Variants in GJC1 observed in about 807,000 individuals in gnomAD.
GJC1 encodes the protein gap junction protein gamma 1, also known as gap junction gamma-1 protein.
In GJC1, 5 loss-of-function variants were observed where a neutral mutation model predicts 29.3. The observed-to-expected ratio is 0.17, with a 90% CI of 0.09 to 0.36. The LOEUF (loss-of-function observed/expected upper bound fraction) is 0.36. Ranked by LOEUF, GJC1 falls within the 10% of genes least tolerant of loss-of-function variation. The pLI is 1.00. For missense variants in GJC1, 310 were observed against 496.2 expected, an observed-to-expected ratio of 0.62 and a Z score of 3.56; for synonymous variants, 177 against 183.3, an observed-to-expected ratio of 0.97 and a Z score of 0.28.
chr17:44,805,379 C>G lies in GJC1; in HGVS notation c.439G>C (p.Glu147Gln). The G allele has an allele frequency of 6.2e-7, 1 of 1,614,228 alleles. No homozygotes were observed. The highest frequency in any genetic ancestry group is 8.5e-7 in the Non-Finnish European group (1 of 1,180,032). Residue 147 changes from glutamate (E) to glutamine (Q), a missense_variant, in exon 3 of 3, where the codon GAA (glutamate) becomes CAA (glutamine). Transcript: ENST00000592524. The surrounding 1 kb of genome is among the most constrained non-coding windows in gnomAD (Gnocchi z 5.1). ...DPMMYPEMEL[E>Q]SDKENKEQSQ... is the part of the protein sequence containing the mutation. Reference sequence around the variant, plus strand: ...TGCTCTTTATTTTCCTTATCACTTTCTAACTCCATCTCTGGATACATCATA... The same window carrying G: ...TGCTCTTTATTTTCCTTATCACTTTGTAACTCCATCTCTGGATACATCATA...
chr17:44,804,474 A>G lies in GJC1; in HGVS notation c.*153T>C. On this transcript the variant is annotated 3_prime_UTR_variant, in exon 3 of 3. Transcript: ENST00000592524. ...TGTTTCCCTTTCTCTCCCTCAGCCC[A>G]GCCCCGCCTCCAGAGTCCCCTGAGC... 1 of 628,180 alleles carries G rather than the reference A, an allele frequency of 1.6e-6. No homozygotes were observed. Among genetic ancestry groups the G allele is most frequent in the East Asian group, 2.7e-5 (1 of 36,594 alleles). The allele number at this position is 628,180 out of a possible 1,614,324, so 38.9% of individuals were successfully genotyped here.
Position 44,805,599 on chromosome 17 carries a change from A to G in GJC1, c.219T>C (p.His73=), listed in dbSNP as rs1223854467. ...TGATCTGGAACACCCAGAAGCGTAC[A>G]TGGGAGAGAGGTGCAAACGCATCAT... ...VCYDAFAPLS[H]VRFWVFQIIL... Residue 73 remains histidine (H), a synonymous_variant, in exon 3 of 3, where the codon CAT becomes CAC. Transcript: ENST00000592524. The surrounding 1 kb of genome is among the most constrained non-coding windows in gnomAD (Gnocchi z 5.1). 3.1e-6 allele frequency: 5 copies of G among 1,614,036 alleles called. No individual in the cohort carries two copies. Among genetic ancestry groups the G allele is most frequent in the Non-Finnish European group, 4.2e-6 (5 of 1,179,982 alleles).
intron 1 of GJC1, among the ~76,000 whole-genome samples, chr17:44,816,190 T>C (rs1268805158): frequency 6.6e-6 from 1 of 151,078 alleles, no homozygotes; most frequent in African/African-American, 2.4e-5. Flanking sequence ...CAATTCATGG[T>C]AGCCCATAAT....
chr17:44,802,444 T>G lies in GJC1; in HGVS notation c.*2183A>C, dbSNP rs140635668. ...TGGTAGTTCTTTATCTTAGCTAGGCTTATGTATTCCAAATTTTGCCTGTTT... is the reference window on the plus strand; with the variant it reads ...TGGTAGTTCTTTATCTTAGCTAGGCGTATGTATTCCAAATTTTGCCTGTTT... On this transcript the variant is annotated 3_prime_UTR_variant, in exon 3 of 3. Transcript: ENST00000592524. The G allele has an allele frequency of 6.6e-5, 10 of 152,372 alleles. No homozygotes were observed. The East Asian group carries it at 1.7e-3, about 26-fold the overall frequency. 9.4% of individuals were successfully genotyped at this position (152,372 alleles called of 1,614,324 possible).
upstream of GJC1, chr17:44,830,539 A>T: frequency 2.5e-6 from 1 of 397,678 alleles, no homozygotes; most frequent in Non-Finnish European, 4.4e-6. The surrounding 1 kb of genome is among the most constrained non-coding windows in gnomAD (Gnocchi z 4.3). Flanking sequence ...TTCGCTCCGG[A>T]CAGTTCATTC....
intron 1 of GJC1, among the ~76,000 whole-genome samples, chr17:44,821,515 T>C (rs932619486): frequency 8.6e-5 from 13 of 151,450 alleles, no homozygotes; most frequent in Non-Finnish European, 1.3e-4. Flanking sequence ...CTGACCAATA[T>C]TGGCGAAATC....
intron 1 of GJC1, among the ~76,000 whole-genome samples, chr17:44,825,029 C>G (rs1344984235): frequency 6.7e-6 from 1 of 149,816 alleles, no homozygotes; most frequent in African/African-American, 2.5e-5. Flanking sequence ...GGCAACAAAA[C>G]AAGACCCTGT....
intron 1 of GJC1, among the ~76,000 whole-genome samples, chr17:44,823,248 GTTTTTTTTT>G (rs10710605): frequency 8.5e-6 from 1 of 117,832 alleles, no homozygotes; most frequent in Admixed American, 9.4e-5. Flanking sequence ...TTTCTTTCCT[GTTTTTTTTT>G]TTTTTTTTTT....
Position 44,805,480 on chromosome 17 carries a change from C to A in GJC1, c.338G>T (p.Arg113Leu), listed in dbSNP as rs45464491. ...EHGEADKKAA[R>L]SKPYAMRWKQ... is the part of the protein sequence containing the mutation. ...CCAGCGCATTGCATAGGGCTTGCTC[C>A]GAGCTGCCTTCTTGTCTGCTTCACC... Residue 113 changes from arginine to leucine, a missense_variant, in exon 3 of 3, where the codon CGG (arginine) becomes CTG (leucine). Coordinates refer to ENST00000592524, the MANE Select transcript of GJC1 (RefSeq NM_005497.4). This position sits in a 1 kb window ranked among gnomAD's most constrained non-coding sequence, Gnocchi z 5.1. The A allele has an allele frequency of 1.5e-5, 24 of 1,614,008 alleles. No homozygotes were observed. The Admixed American group carries it at 3.8e-4, about 26-fold the overall frequency.
upstream of GJC1, chr17:44,830,671 G>A (rs1319213085): frequency 2.5e-6 from 1 of 398,678 alleles, no homozygotes; most frequent in East Asian, 3.6e-5. The surrounding 1 kb of genome is among the most constrained non-coding windows in gnomAD (Gnocchi z 4.3). Context: ...CGGGCCCAGA[G>A]TTGTCTTCTG....
chr17:44,811,545 C>A (rs1019753975), intron 1 of GJC1, among the ~76,000 whole-genome samples: 3 of 151,972 alleles, frequency 2.0e-5, no homozygotes, highest in African/African-American at 7.2e-5. Flanking sequence ...CGCCACCATG[C>A]CTGGCTAATT....
rs573178164 is a variant in GJC1 at position 44,805,701 on chromosome 17, T to C, written c.117A>G (p.Gly39=). 3 of 1,613,780 alleles carry C rather than the reference T, an allele frequency of 1.9e-6. No individual in the cohort carries two copies. Among genetic ancestry groups the C allele is most frequent in the Middle Eastern group, 1.6e-4 (1 of 6,062 alleles). ...IVFRIVLTAV[G]GESIYYDEQS... ...GCTCATCGTAATAGATGGATTCTCC[T>C]CCTACAGCTGTAAGGACGATCCGGA... Residue 39 remains glycine, a synonymous_variant, in exon 3 of 3, where the codon GGA becomes GGG. Transcript: ENST00000592524. This position sits in a 1 kb window ranked among gnomAD's most constrained non-coding sequence, Gnocchi z 5.1.
chr17:44,820,579 G>C (rs991432251), intron 1 of GJC1, among the ~76,000 whole-genome samples: 2 of 152,096 alleles, frequency 1.3e-5, no homozygotes, highest in Non-Finnish European at 2.9e-5. Context: ...TTTTAAAAAG[G>C]CACTTCCCAA....
At chr17:44,827,696 G>C (rs2050191236) in intron 1 of GJC1, among the ~76,000 whole-genome samples, 1 of 152,104 alleles carries the variant, frequency 6.6e-6, no homozygotes, top group South Asian at 2.1e-4. Context: ...ACTCTGGGAG[G>C]CCGAGGCGGG....
chr17:44,815,823 G>A (rs1237758849), intron 1 of GJC1, among the ~76,000 whole-genome samples: 1 of 151,876 alleles, frequency 6.6e-6, no homozygotes, highest in Non-Finnish European at 1.5e-5. Context: ...AAATTAAAAG[G>A]TTGAAAAACT....
chr17:44,796,324 ATCTAG>A (rs1251054380), downstream of GJC1, among the ~76,000 whole-genome samples: 1 of 152,062 alleles, frequency 6.6e-6, no homozygotes, highest in Non-Finnish European at 1.5e-5. Context: ...CATGCTTAAC[ATCTAG>A]TCAAGGATGG....
chr17:44,817,582 T>C (rs1191679494), intron 1 of GJC1, among the ~76,000 whole-genome samples: 1 of 152,000 alleles, frequency 6.6e-6, no homozygotes, highest in African/African-American at 2.4e-5. Context: ...TGATGGTGCA[T>C]GCCTGTAATC....
At chr17:44,797,763 A>C (rs949418283), downstream of GJC1, 7 of 152,240 alleles carry the variant, frequency 4.6e-5, no homozygotes, top group African/African-American at 1.7e-4. Context: ...TCTGATGGCA[A>C]ATCTGCCAAA....
chr17:44,812,450 C>G (rs2049993974), intron 1 of GJC1, among the ~76,000 whole-genome samples: 1 of 152,090 alleles, frequency 6.6e-6, no homozygotes, highest in Admixed American at 6.6e-5. Context: ...AAGATCATTG[C>G]CAAGGTCTGA....
Sources: gnomAD v4.1 joint callset for allele counts (sites outside exome capture counted in the v4.1 genomes callset) on GRCh38, gnomAD v4.1.1 for gene constraint, Gnocchi (gnomAD v3.1) non-coding constraint, MANE v1.5 for transcripts, NCBI Gene and HGNC (gene_info 2026-07-23, HGNC 2026-07-21) for gene names.